CAMK4: variants seen among roughly 807,000 people sequenced by gnomAD.
The protein encoded by CAMK4 is calcium/calmodulin dependent protein kinase IV.
A neutral mutation model predicts 44.9 loss-of-function variants in CAMK4; 22 were observed. The ratio of observed to expected loss-of-function variants is 0.49; its 90% CI spans 0.35 to 0.70. CAMK4 has a LOEUF of 0.70. CAMK4 is among the 30% of genes least tolerant of loss of function. The probability of loss-of-function intolerance (pLI) is 0.01; values close to 1 mark genes in which losing one functional copy is unlikely to be tolerated. For missense variants in CAMK4, 498 were observed against 586.8 expected (o/e 0.85, Z 1.56); for synonymous variants, 218 against 215.4 (o/e 1.01, Z -0.11).
At chr5:111,307,975 T>C (rs1747998769) in intron 1 of CAMK4, among the ~76,000 whole-genome samples, 2 of 81,944 alleles carry the variant, frequency 2.4e-5, no homozygotes, top group Admixed American at 3.1e-4. Flanking sequence ...TTGGAAACCA[T>C]CATTCTCAGT....
chr5:111,224,522 C>G lies in CAMK4; in HGVS notation c.39C>G (p.Ser13=). 6.2e-7 allele frequency: 1 copy of G among 1,611,374 alleles called. No homozygotes were observed. The highest frequency in any genetic ancestry group is 2.2e-5 in the East Asian group (1 of 44,718). ...KVTVPSCSAS[S]CSSVTASAAP... ...CGGTGCCCTCCTGCTCCGCCTCGTC[C>G]TGCTCTTCGGTCACCGCCAGTGCGG... Residue 13 remains serine, a synonymous_variant, in exon 1 of 11, where the codon TCC becomes TCG. Transcript: ENST00000282356. This position sits in a 1 kb window ranked among gnomAD's most constrained non-coding sequence, Gnocchi z 5.7.
chr5:111,373,557 T>C (rs1751092794), intron 2 of CAMK4, among the ~76,000 whole-genome samples: 1 of 152,196 alleles, frequency 6.6e-6, no homozygotes, highest in Non-Finnish European at 1.5e-5. Context: ...ATTAAATGAC[T>C]GGATGTTGTT....
At chr5:111,327,475 G>A (rs1277229566) in intron 1 of CAMK4, among the ~76,000 whole-genome samples, 1 of 152,070 alleles carries the variant, frequency 6.6e-6, no homozygotes, top group East Asian at 1.9e-4. Flanking sequence ...ACATATGTGT[G>A]CATGTGTCTT....
intron 8 of CAMK4, among the ~76,000 whole-genome samples, chr5:111,474,655 G>A (rs1238960376): frequency 6.6e-6 from 1 of 152,118 alleles, no homozygotes; most frequent in Non-Finnish European, 1.5e-5. Flanking sequence ...TAACTTAATA[G>A]TGATCTTAAA....
At chr5:111,266,612 T>C (rs1406849418) in intron 1 of CAMK4, among the ~76,000 whole-genome samples, 1 of 152,186 alleles carries the variant, frequency 6.6e-6, no homozygotes, top group African/African-American at 2.4e-5. Context: ...ACTCTTTCAC[T>C]CCTACCTGTT....
At chr5:111,447,259 A>G (rs1361457020) in intron 6 of CAMK4, among the ~76,000 whole-genome samples, 1 of 152,178 alleles carries the variant, frequency 6.6e-6, no homozygotes, top group African/African-American at 2.4e-5. Context: ...GCCTTTCCCA[A>G]AATGCACTCC....
rs540484831 is a variant in CAMK4, at chr5:111,469,467, C to CAGT, written c.626-3843_626-3842insGTA. On this transcript the variant is annotated intron_variant, in intron 7 of 10. Transcript: ENST00000282356. ...AAATTGCCTTTGGAGAGTAAGGTTA[C>CAGT]ACCCAGTGCTGCGACAGATCAGAAC... Among the ~76,000 whole-genome samples, 637 of 152,166 alleles carry CAGT rather than the reference C, an allele frequency of 4.2e-3. 2 individuals are homozygous for CAGT. Among genetic ancestry groups the CAGT allele is most frequent in the Middle Eastern group, 0.017 (5 of 294 alleles).
intron 1 of CAMK4, among the ~76,000 whole-genome samples, chr5:111,232,869 G>A (rs1002851811): frequency 3.3e-5 from 5 of 152,040 alleles, no homozygotes; most frequent in Non-Finnish European, 5.9e-5. Context: ...TAAAGAGTGA[G>A]TAAAAAGAGA....
chr5:111,267,493 G>C (rs1249166112), intron 1 of CAMK4, among the ~76,000 whole-genome samples: 1 of 151,908 alleles, frequency 6.6e-6, no homozygotes, highest in African/African-American at 2.4e-5. Flanking sequence ...GAGGCGGGCG[G>C]ATCACGAGGT....
intron 1 of CAMK4, among the ~76,000 whole-genome samples, chr5:111,251,254 A>C (rs1749476950): frequency 1.3e-5 from 2 of 152,218 alleles, no homozygotes; most frequent in African/African-American, 4.8e-5. Flanking sequence ...TGTGCTCTAC[A>C]CAAGGGCTTT....
intron 1 of CAMK4, among the ~76,000 whole-genome samples, chr5:111,243,322 A>C (rs1220313685): frequency 6.6e-6 from 1 of 152,214 alleles, no homozygotes; most frequent in Non-Finnish European, 1.5e-5. Flanking sequence ...GTGATCAGGC[A>C]TCACCTGGGG....
intron 2 of CAMK4, among the ~76,000 whole-genome samples, chr5:111,355,715 A>G (rs965931271): frequency 3.3e-4 from 48 of 145,344 alleles, no homozygotes; most frequent in African/African-American, 1.2e-3. Context: ...ATGTGCTCTC[A>G]TTGTTCAATT....
At chr5:111,448,523 C>T (rs1433618825) in intron 6 of CAMK4, among the ~76,000 whole-genome samples, 1 of 152,184 alleles carries the variant, frequency 6.6e-6, no homozygotes, top group Non-Finnish European at 1.5e-5. Context: ...GAAAAAATAG[C>T]TTGGCTGGGC....
chr5:111,390,392 C>G (rs1457513302), intron 4 of CAMK4, among the ~76,000 whole-genome samples: 2 of 152,092 alleles, frequency 1.3e-5, no homozygotes, highest in Non-Finnish European at 2.9e-5. Flanking sequence ...CACCCCCGCC[C>G]CATCCCCTAT....
At chr5:111,383,792 C>G (rs1751500847) in intron 4 of CAMK4, among the ~76,000 whole-genome samples, 1 of 152,034 alleles carries the variant, frequency 6.6e-6, no homozygotes, top group Non-Finnish European at 1.5e-5. Flanking sequence ...ATGTCATCAA[C>G]TGGAGAATGC....
At chr5:111,459,935 A>G (rs1754580812) in intron 7 of CAMK4, among the ~76,000 whole-genome samples, 1 of 152,076 alleles carries the variant, frequency 6.6e-6, no homozygotes, top group Admixed American at 6.6e-5. Flanking sequence ...TTCAGAAGAC[A>G]CTACTTCGAG....
rs577554811 is a variant in CAMK4 at position 111,319,946 on chromosome 5, G to A, written c.162-24078G>A. On this transcript the variant is annotated intron_variant, in intron 1 of 10. Transcript: ENST00000282356. ...CTCTAGTCTAGATAGGCATGTATGT[G>A]AATCAACCACAGAGGAGATATTAGG... Among the ~76,000 whole-genome samples the A allele has an allele frequency of 2.5e-4, 38 of 152,254 alleles. No individual in the cohort carries two copies. The South Asian group carries it at 7.1e-3, about 28-fold the overall frequency.
chr5:111,364,793 G>C (rs932434995), intron 2 of CAMK4: 1 of 151,960 alleles, frequency 6.6e-6, no homozygotes, highest in Non-Finnish European at 1.5e-5. Flanking sequence ...TAAAATATTG[G>C]GTTTTACAAT....
At position 111,386,824 on chromosome 5, in the gene CAMK4, G is replaced by A. The variant is rs139324592; in HGVS notation, c.387-7886G>A. Among the ~76,000 whole-genome samples, 436 of 152,356 alleles carry A rather than the reference G, an allele frequency of 2.9e-3. 1 individual carries two copies. The highest frequency in any genetic ancestry group is 9.5e-3 in the African/African-American group (397 of 41,592). The stretch of plus-strand genomic sequence containing the variant: ...GAGCTTGGGGAAATGTACCACCTTC[G>A]TGCTTCCTTCCCAGATCTCCAGATG... On this transcript the variant is annotated intron_variant, in intron 4 of 10. Transcript: ENST00000282356.
Sources: gnomAD v4.1 joint callset for allele counts (sites outside exome capture counted in the v4.1 genomes callset) on GRCh38, gnomAD v4.1.1 for gene constraint, Gnocchi (gnomAD v3.1) non-coding constraint, MANE v1.5 for transcripts, NCBI Gene and HGNC (gene_info 2026-07-23, HGNC 2026-07-21) for gene names.